The following PCDH9 variants were observed in gnomAD, a reference collection of about 807,000 sequenced individuals.
PCDH9 encodes the protein protocadherin 9.
PCDH9 carries 24 observed loss-of-function variants against 70.6 expected under a neutral mutation model. The observed-to-expected ratio is 0.34, with a 90% CI of 0.25 to 0.48. The LOEUF is 0.48. Ranked by LOEUF, PCDH9 falls within the 20% of genes least tolerant of loss-of-function variation. The probability of loss-of-function intolerance (pLI) is 0.99; values close to 1 mark genes in which losing one functional copy is unlikely to be tolerated. For synonymous variants in PCDH9, 562 were observed against 558.5 expected (o/e 1.01, Z -0.09); for missense variants, 1,281 against 1,503.6 (o/e 0.85, Z 2.45).
chr13:66,933,189 G>A (rs1170376033), intron 2 of PCDH9, among the ~76,000 whole-genome samples: 1 of 151,954 alleles, frequency 6.6e-6, no homozygotes, highest in Non-Finnish European at 1.5e-5. Flanking sequence ...TGTTATTTGA[G>A]TCTTTGTCAG....
At chr13:66,407,573 T>G (rs1392365064) in intron 4 of PCDH9, among the ~76,000 whole-genome samples, 1 of 152,134 alleles carries the variant, frequency 6.6e-6, no homozygotes, top group African/African-American at 2.4e-5. Context: ...TTTAGAACAT[T>G]TCAAGGCATC....
At chr13:67,010,131 G>A (rs1379471970) in intron 2 of PCDH9, among the ~76,000 whole-genome samples, 1 of 151,966 alleles carries the variant, frequency 6.6e-6, no homozygotes, top group Non-Finnish European at 1.5e-5. Flanking sequence ...GTGCTAAGAG[G>A]TTTACACATA....
intron 3 of PCDH9, among the ~76,000 whole-genome samples, chr13:66,840,995 C>T (rs975519367): frequency 2.6e-5 from 4 of 152,178 alleles, no homozygotes; most frequent in Non-Finnish European, 5.9e-5. Context: ...AAAACGGTAC[C>T]TCGGTGGCTT....
chr13:66,484,431 C>T (rs1958902703), intron 4 of PCDH9, among the ~76,000 whole-genome samples: 1 of 152,162 alleles, frequency 6.6e-6, no homozygotes, highest in Non-Finnish European at 1.5e-5. Context: ...CATCACACAC[C>T]GTGCGAGGGC....
intron 4 of PCDH9, among the ~76,000 whole-genome samples, chr13:66,598,540 T>C (rs1035561089): frequency 1.3e-5 from 2 of 151,924 alleles, no homozygotes; most frequent in African/African-American, 2.4e-5. Flanking sequence ...TTTAGGGCCT[T>C]GATTTATGCA....
At chr13:66,756,583 T>C (rs1259052298) in intron 3 of PCDH9, among the ~76,000 whole-genome samples, 1 of 152,136 alleles carries the variant, frequency 6.6e-6, no homozygotes, top group Non-Finnish European at 1.5e-5. Flanking sequence ...AATCTACAGC[T>C]GCATGCCATG....
intron 4 of PCDH9, among the ~76,000 whole-genome samples, chr13:66,612,124 C>T (rs780950608): frequency 6.6e-6 from 1 of 152,090 alleles, no homozygotes; most frequent in Non-Finnish European, 1.5e-5. Context: ...AACAAAGGAC[C>T]TTAAGGAGTG....
chr13:66,498,151 A>AT (rs924281408), intron 4 of PCDH9, among the ~76,000 whole-genome samples: 2 of 142,042 alleles, frequency 1.4e-5, no homozygotes, highest in African/African-American at 5.1e-5. Context: ...TATTATTATT[A>AT]TTTTTTTTTT....
chr13:67,149,753 G>A (rs1829187969), intron 2 of PCDH9, among the ~76,000 whole-genome samples: 1 of 151,656 alleles, frequency 6.6e-6, no homozygotes, highest in Admixed American at 6.6e-5. Context: ...CTAAATAATG[G>A]CAGTAGTAAT....
chr13:66,671,379 G>T (rs2078173617), intron 3 of PCDH9, among the ~76,000 whole-genome samples: 1 of 152,170 alleles, frequency 6.6e-6, no homozygotes, highest in South Asian at 2.1e-4. Context: ...GGCAGAGGTT[G>T]GAACAGTTTG....
chr13:66,721,495 T>G (rs1238102749), intron 3 of PCDH9, among the ~76,000 whole-genome samples: 5 of 152,196 alleles, frequency 3.3e-5, no homozygotes, highest in Non-Finnish European at 5.9e-5. Flanking sequence ...TGCTAAATTA[T>G]AAAAGCTTTC....
At chr13:66,711,831 A>C (rs1331708798) in intron 3 of PCDH9, among the ~76,000 whole-genome samples, 1 of 152,036 alleles carries the variant, frequency 6.6e-6, no homozygotes, top group Non-Finnish European at 1.5e-5. Context: ...CAACAGTTTT[A>C]CTTGATTTTT....
At chr13:66,670,591 G>T (rs1231568267) in intron 3 of PCDH9, among the ~76,000 whole-genome samples, 1 of 152,060 alleles carries the variant, frequency 6.6e-6, no homozygotes, top group Non-Finnish European at 1.5e-5. Flanking sequence ...GCAGATGATT[G>T]GTACTCAGTT....
chr13:66,852,933 T>C (rs990410749), intron 3 of PCDH9, among the ~76,000 whole-genome samples: 1 of 151,918 alleles, frequency 6.6e-6, no homozygotes, highest in Non-Finnish European at 1.5e-5. Flanking sequence ...GTGATTTTTA[T>C]TTACACTGAA....
chr13:67,117,779 G>A (rs1462664537), intron 2 of PCDH9, among the ~76,000 whole-genome samples: 1 of 151,780 alleles, frequency 6.6e-6, no homozygotes, highest in Non-Finnish European at 1.5e-5. Flanking sequence ...CCTAATTAAG[G>A]GTATAAATTA....
intron 4 of PCDH9, among the ~76,000 whole-genome samples, chr13:66,579,663 T>G (rs907808532): frequency 5.9e-5 from 9 of 152,090 alleles, no homozygotes; most frequent in African/African-American, 2.2e-4. Flanking sequence ...GACATATGTA[T>G]GTATACCCAT....
intron 3 of PCDH9, among the ~76,000 whole-genome samples, chr13:66,873,430 C>G (rs2139514529): frequency 6.6e-6 from 1 of 152,232 alleles, no homozygotes; most frequent in South Asian, 2.1e-4. Flanking sequence ...TATTTTTAAA[C>G]ATGAGAAATG....
intron 2 of PCDH9, among the ~76,000 whole-genome samples, chr13:67,158,378 G>A (rs1436805384): frequency 1.3e-5 from 2 of 152,136 alleles, no homozygotes; most frequent in African/African-American, 2.4e-5. Context: ...TGAATGAAAG[G>A]CCCTAAAGCA....
At chr13:66,600,765 CGTGT>C (rs10579707) in intron 4 of PCDH9, among the ~76,000 whole-genome samples, 57,532 of 132,870 alleles carry the variant, frequency 0.43, 16,323 homozygotes, top group Admixed American at 0.57. Context: ...TAATTAAGAA[CGTGT>C]GTGTGTGTGT....
Sources: allele counts gnomAD v4.1 joint callset (sites outside exome capture counted in the v4.1 genomes callset), GRCh38; gene constraint gnomAD v4.1.1; transcripts MANE v1.5; gene names NCBI Gene and HGNC (gene_info 2026-07-23, HGNC 2026-07-21).